OPRM1: variants seen among roughly 807,000 people sequenced by gnomAD.
The protein encoded by OPRM1 is opioid receptor mu 1, also known as mu-type opioid receptor.
Under a neutral mutation model 31.8 loss-of-function variants are expected in OPRM1, and 27 were observed. The observed-to-expected ratio is 0.85, with a 90% CI of 0.63 to 1.17. OPRM1 has a LOEUF of 1.17. Ranked by LOEUF, OPRM1 falls within the 50% of genes most tolerant of loss-of-function variation. OPRM1 has a pLI of 0.00. For missense variants in OPRM1, 536 were observed against 511.1 expected, an observed-to-expected ratio of 1.05 and a Z score of -0.47; for synonymous variants, 196 against 189.9, an observed-to-expected ratio of 1.03 and a Z score of -0.26.
At chr6:154,175,865 A>T (rs1056521620) in intron 3 of OPRM1, among the ~76,000 whole-genome samples, 1 of 152,158 alleles carries the variant, frequency 6.6e-6, no homozygotes, top group Admixed American at 6.5e-5. Context: ...CAGAGACACA[A>T]CAAAAAAAGG....
At chr6:154,237,048 T>C (rs984604010) in intron 3 of OPRM1, among the ~76,000 whole-genome samples, 3 of 152,224 alleles carry the variant, frequency 2.0e-5, no homozygotes, top group African/African-American at 7.2e-5. Flanking sequence ...TATGGAAGAT[T>C]AAACACAGCA....
At position 154,129,674 on chromosome 6, in the gene OPRM1, A is replaced by T. The variant is rs986036928; in HGVS notation, c.*10953A>T. On this transcript the variant is annotated 3_prime_UTR_variant, in exon 4 of 4. Transcript: ENST00000330432. ...ATAGTTCTATATCTATTCTTGAAAC[A>T]TATTTCTTTAGTTCAAGGTCTGATG... Among the ~76,000 whole-genome samples, 2 of 152,110 alleles carry T rather than the reference A, an allele frequency of 1.3e-5. No individual in the cohort carries two copies. The highest frequency in any genetic ancestry group is 1.5e-5 in the Non-Finnish European group (1 of 68,006).
Position 154,030,023 on chromosome 6 carries a change from C to T in OPRM1, c.1-9138C>T, listed in dbSNP as rs541292870. Reference sequence around the variant, plus strand: ...GTCTAATTTTTGAGGCCTCCCAAGCCGTATTGAACTGTGAGTCCTCTTTCC... The same window carrying T: ...GTCTAATTTTTGAGGCCTCCCAAGCTGTATTGAACTGTGAGTCCTCTTTCC... On this transcript the variant is annotated intron_variant, in intron 1 of 5. Coordinates refer to the OPRM1 transcript ENST00000434900. 2.5e-4 allele frequency among the ~76,000 whole-genome samples: 37 copies of T among 148,992 alleles called. 1 individual carries two copies. In the Middle Eastern group the frequency reaches 0.024, roughly 96 times the overall value.
At chr6:154,039,925 G>A (rs1257183292) in intron 1 of OPRM1, 91 bp downstream of exon 1, 1 of 1,242,656 alleles carries the variant, frequency 8.0e-7, no homozygotes, top group Non-Finnish European at 1.1e-6. Flanking sequence ...ATGTTGGGCG[G>A]GAGGATGAAA....
intron 3 of OPRM1, among the ~76,000 whole-genome samples, chr6:154,144,466 G>A (rs1485056048): frequency 6.6e-6 from 1 of 152,130 alleles, no homozygotes; most frequent in Non-Finnish European, 1.5e-5. Flanking sequence ...TACAACACGG[G>A]CCGGGCATGG....
chr6:154,167,159 A>G (rs778672954), intron 3 of OPRM1, among the ~76,000 whole-genome samples: 4 of 152,192 alleles, frequency 2.6e-5, no homozygotes, highest in Non-Finnish European at 5.9e-5. Flanking sequence ...GAATCTATCA[A>G]AGCTTTTCAG....
chr6:154,225,664 G>C (rs1779192087), intron 3 of OPRM1, among the ~76,000 whole-genome samples: 1 of 152,194 alleles, frequency 6.6e-6, no homozygotes, highest in South Asian at 2.1e-4. Context: ...TCACAATCTA[G>C]ATAGATGAGG....
chr6:154,207,196 C>T (rs763003844), intron 3 of OPRM1, among the ~76,000 whole-genome samples: 2 of 152,286 alleles, frequency 1.3e-5, no homozygotes, highest in South Asian at 2.1e-4. Context: ...CACCGGGCTG[C>T]GTGACTGACT....
intron 3 of OPRM1, among the ~76,000 whole-genome samples, chr6:154,213,610 T>G (rs1778142978): frequency 1.3e-5 from 2 of 152,162 alleles, no homozygotes; most frequent in South Asian, 4.1e-4. Context: ...TCCAAGGCCT[T>G]TTGTGGTCTG....
chr6:154,162,062 C>A (rs1236276251), intron 3 of OPRM1, among the ~76,000 whole-genome samples: 2 of 152,192 alleles, frequency 1.3e-5, no homozygotes, highest in Non-Finnish European at 2.9e-5. Context: ...GTTCCTATTG[C>A]CCACGAACTA....
intron 3 of OPRM1, among the ~76,000 whole-genome samples, chr6:154,179,425 C>T (rs911871514): frequency 5.9e-5 from 9 of 151,424 alleles, no homozygotes; most frequent in South Asian, 4.4e-4. Context: ...TCATAAAGAG[C>T]GAGGAAAAAA....
At chr6:154,082,347 T>G (rs1469758257) in intron 1 of OPRM1, among the ~76,000 whole-genome samples, 1 of 152,206 alleles carries the variant, frequency 6.6e-6, no homozygotes, top group Non-Finnish European at 1.5e-5. Flanking sequence ...ATTTTACTTA[T>G]ATTGAGTGAT....
At chr6:154,092,325 GATCTATAAA>G (rs1792455147) in intron 3 of OPRM1, among the ~76,000 whole-genome samples, 1 of 152,104 alleles carries the variant, frequency 6.6e-6, no homozygotes, top group South Asian at 2.1e-4. Context: ...TTTGACCTCT[GATCTATAAA>G]ATCAATCAAA....
rs1380374002 is a variant in OPRM1, at chr6:154,128,418, C to G, written c.*9697C>G. Among the ~76,000 whole-genome samples, 1 of 152,178 alleles carries G rather than the reference C, an allele frequency of 6.6e-6. No individual in the cohort carries two copies. The highest frequency in any genetic ancestry group is 2.4e-5 in the African/African-American group (1 of 41,428). ...CAATTCCTAATAACAGCTGAAGGACCATTTATTTGAAGCAATGTTCACCAT... is the reference window on the plus strand; with the variant it reads ...CAATTCCTAATAACAGCTGAAGGACGATTTATTTGAAGCAATGTTCACCAT... On this transcript the variant is annotated 3_prime_UTR_variant, in exon 4 of 4. Transcript: ENST00000330432.
At position 154,126,240 on chromosome 6, in the gene OPRM1, CTGGG is replaced by C. The variant is rs1252862199; in HGVS notation, c.*7521_*7524del. ...AGAAGACAACTCTTTTCCTAAGAGT[CTGGG>C]TAAAATTGAACATAGCCATATTCAC... On this transcript the variant is annotated 3_prime_UTR_variant, in exon 4 of 4. Transcript: ENST00000330432. Among the ~76,000 whole-genome samples the C allele has an allele frequency of 6.6e-6, 1 of 152,100 alleles. No individual in the cohort carries two copies. Among genetic ancestry groups the C allele is most frequent in the East Asian group, 1.9e-4 (1 of 5,192 alleles).
chr6:154,231,313 T>A (rs1483507105), intron 3 of OPRM1, among the ~76,000 whole-genome samples: 3 of 152,242 alleles, frequency 2.0e-5, no homozygotes, highest in Non-Finnish European at 4.4e-5. Flanking sequence ...CTGGTGGTAA[T>A]GCAAAATGGA....
chr6:154,014,052 A>G (rs1377085889), intron 1 of OPRM1, among the ~76,000 whole-genome samples: 1 of 152,178 alleles, frequency 6.6e-6, no homozygotes, highest in African/African-American at 2.4e-5. Flanking sequence ...TGATGCATCT[A>G]CCATGGCGTG....
chr6:154,041,780 A>C (rs1780115728), intron 1 of OPRM1, among the ~76,000 whole-genome samples: 3 of 150,134 alleles, frequency 2.0e-5, no homozygotes, highest in Non-Finnish European at 4.4e-5. Flanking sequence ...AGCATGAAAC[A>C]AAAATACCAA....
At chr6:154,213,137 G>C (rs867218981) in intron 3 of OPRM1, 37 of 374,886 alleles carry the variant, frequency 9.9e-5, no homozygotes, top group Non-Finnish European at 1.3e-4. Flanking sequence ...AGAGGTGTGA[G>C]TCATAATACC....
Sources: allele counts gnomAD v4.1 joint callset (sites outside exome capture counted in the v4.1 genomes callset), GRCh38; gene constraint gnomAD v4.1.1; transcripts MANE v1.5; gene names NCBI Gene and HGNC (gene_info 2026-07-23, HGNC 2026-07-21).